Variants in EPB41L2 observed in about 807,000 individuals in gnomAD.
EPB41L2 encodes the protein band 4.1-like protein 2.
EPB41L2 carries 43 observed loss-of-function variants against 113.0 expected under a neutral mutation model. The ratio of observed to expected loss-of-function variants is 0.38; its 90% confidence interval spans 0.30 to 0.49. The LOEUF (loss-of-function observed/expected upper bound fraction) is 0.49. EPB41L2 is among the 20% of genes least tolerant of loss of function. EPB41L2 has a pLI of 0.95. For synonymous variants in EPB41L2, 442 were observed against 436.7 expected, an observed-to-expected ratio of 1.01 and a Z score of -0.15; for missense variants, 1,147 against 1,223.4, an observed-to-expected ratio of 0.94 and a Z score of 0.93.
intron 1 of EPB41L2, among the ~76,000 whole-genome samples, chr6:130,996,583 G>A (rs1046022296): frequency 1.3e-5 from 2 of 152,168 alleles, no homozygotes; most frequent in African/African-American, 2.4e-5. Flanking sequence ...ACTTTCAAAT[G>A]AGTCCATCTA....
At chr6:131,020,281 A>G (rs1439289062) in intron 1 of EPB41L2, among the ~76,000 whole-genome samples, 1 of 152,046 alleles carries the variant, frequency 6.6e-6, no homozygotes, top group Non-Finnish European at 1.5e-5. Flanking sequence ...ACTCCCTCAT[A>G]TTTATGTACA....
At chr6:130,961,231 C>T (rs1773428916) in intron 1 of EPB41L2, among the ~76,000 whole-genome samples, 1 of 152,198 alleles carries the variant, frequency 6.6e-6, no homozygotes, top group Non-Finnish European at 1.5e-5. Context: ...AAAAAGAACA[C>T]TGCTGTGAAC....
At chr6:130,862,888 T>C (rs751034191) in intron 18 of EPB41L2, among the ~76,000 whole-genome samples, 23 of 152,212 alleles carry the variant, frequency 1.5e-4, no homozygotes, top group Non-Finnish European at 3.4e-4. Context: ...AGATAGTCAA[T>C]TGAATATTTC....
chr6:130,900,928 A>G, intron 7 of EPB41L2, 34 bp downstream of exon 7: 1 of 1,600,756 alleles, frequency 6.2e-7, no homozygotes, highest in African/African-American at 1.3e-5. Context: ...TAAATCTCCC[A>G]TGGCCATTCT....
In EPB41L2 at chr6:130,956,142, T is replaced by C. The variant is rs201431851; in HGVS notation, c.344A>G (p.Glu115Gly). The part of the protein sequence containing the change: ...AVVEEQVLDK[E>G]EPLPEEQRQA... ...TCTCTGTTCTTCTGGAAGGGGTTCC[T>C]CTTTATCTAAGACCTGTTCTTCAAC... The change falls in exon 2 of 20, where the codon GAG becomes GGG. Residue 115 changes from glutamate to glycine, a missense_variant. Glu to Gly is a moderately conservative substitution (Grantham distance 98). Transcript: ENST00000337057. 1.2e-5 allele frequency: 19 copies of C among 1,614,072 alleles called. No individual in the cohort carries two copies. Among genetic ancestry groups the C allele is most frequent in the Non-Finnish European group, 1.6e-5 (19 of 1,180,032 alleles).
chr6:130,979,492 C>CAAAAAAA (rs34912861), intron 1 of EPB41L2, among the ~76,000 whole-genome samples: 1 of 85,308 alleles, frequency 1.2e-5, no homozygotes, highest in Non-Finnish European at 2.3e-5. Context: ...GAGACTCTGT[C>CAAAAAAA]AAAAAAAAAA....
intron 1 of EPB41L2, among the ~76,000 whole-genome samples, chr6:131,006,599 G>T (rs1263577723): frequency 6.6e-6 from 1 of 151,054 alleles, no homozygotes; most frequent in Non-Finnish European, 1.5e-5. Context: ...GAACCCAGGA[G>T]GCAGAGGTTG....
chr6:131,061,378 A>G (rs1798628000), intron 1 of EPB41L2, among the ~76,000 whole-genome samples: 1 of 152,238 alleles, frequency 6.6e-6, no homozygotes, highest in African/African-American at 2.4e-5. Flanking sequence ...AAGAATAGAT[A>G]TCTGAAGTTT....
intron 1 of EPB41L2, among the ~76,000 whole-genome samples, chr6:131,004,469 T>C (rs959767828): frequency 1.3e-5 from 2 of 152,216 alleles, no homozygotes; most frequent in Admixed American, 6.5e-5. Flanking sequence ...ATTAATTCCC[T>C]AGGCCTACCA....
At chr6:130,908,293 CA>C (rs1798321620) in intron 5 of EPB41L2, among the ~76,000 whole-genome samples, 1 of 152,144 alleles carries the variant, frequency 6.6e-6, no homozygotes, top group Non-Finnish European at 1.5e-5. Flanking sequence ...AAAGAGTATG[CA>C]AAGTGGCCTT....
At chr6:130,987,512 G>A (rs1022576610) in intron 1 of EPB41L2, among the ~76,000 whole-genome samples, 1 of 152,110 alleles carries the variant, frequency 6.6e-6, no homozygotes, top group Non-Finnish European at 1.5e-5. Context: ...GCCCAACATG[G>A]TGAAACCCTG....
intron 3 of EPB41L2, among the ~76,000 whole-genome samples, chr6:130,947,742 G>A (rs1212458068): frequency 1.3e-5 from 2 of 152,118 alleles, no homozygotes; most frequent in Non-Finnish European, 2.9e-5. Context: ...CCACTCCTGA[G>A]GAGGAAACAA....
chr6:130,872,315 T>C, intron 14 of EPB41L2: 1 of 1,217,262 alleles, frequency 8.2e-7, no homozygotes, highest in Non-Finnish European at 1.1e-6. Flanking sequence ...TTTAAAAAAA[T>C]GAAAATCTCT....
Position 130,839,800 on chromosome 6 carries a change from G to A in EPB41L2, c.*804C>T, listed in dbSNP as rs1206743800. On this transcript the variant is annotated 3_prime_UTR_variant, in exon 20 of 20. Coordinates refer to ENST00000337057, the MANE Select transcript of EPB41L2 (RefSeq NM_001431.4). Reference sequence around the variant, plus strand: ...GCCTGAATCTTTTAGTAGAAGGGAAGAAAGTTTTCTCTTTCTCTTCCCTCC... The same window carrying A: ...GCCTGAATCTTTTAGTAGAAGGGAAAAAAGTTTTCTCTTTCTCTTCCCTCC... The A allele has an allele frequency of 6.6e-6, 1 of 152,242 alleles. No individual in the cohort carries two copies. 9.4% of individuals were successfully genotyped at this position (152,242 alleles called of 1,614,324 possible).
At chr6:130,881,199 CA>C (rs1341312647) in intron 12 of EPB41L2, 6 of 152,124 alleles carry the variant, frequency 3.9e-5, no homozygotes, top group Non-Finnish European at 8.8e-5. Context: ...TTATCAAAGG[CA>C]AATCATTTAA....
At chr6:130,906,237 G>A (rs943043564) in intron 5 of EPB41L2, among the ~76,000 whole-genome samples, 3 of 152,052 alleles carry the variant, frequency 2.0e-5, no homozygotes, top group Non-Finnish European at 4.4e-5. Flanking sequence ...GACAGGACTC[G>A]GAGACATTTC....
chr6:130,858,735 A>T (rs1195230293), intron 18 of EPB41L2, among the ~76,000 whole-genome samples: 1 of 152,266 alleles, frequency 6.6e-6, no homozygotes, highest in Non-Finnish European at 1.5e-5. Flanking sequence ...GCTCATCTTT[A>T]TCTTCTTAGG....
intron 1 of EPB41L2, among the ~76,000 whole-genome samples, chr6:131,023,232 T>C (rs1001535610): frequency 2.0e-5 from 3 of 152,234 alleles, no homozygotes; most frequent in Admixed American, 1.3e-4. Flanking sequence ...TTAAAGACTT[T>C]ATTATTTCAT....
In EPB41L2 at chr6:130,937,978, T is replaced by C. The variant is rs76059017; in HGVS notation, c.706-11269A>G. 8.0e-3 allele frequency among the ~76,000 whole-genome samples: 1,218 copies of C among 152,320 alleles called. 14 individuals carry two copies. The highest frequency in any genetic ancestry group is 0.027 in the African/African-American group (1,140 of 41,574). Reference sequence around the variant, plus strand: ...TACATCTTATCACAAGCCAGACCCATTGAAACTGTTCTTACCTCTATTAGC... The same window carrying C: ...TACATCTTATCACAAGCCAGACCCACTGAAACTGTTCTTACCTCTATTAGC... On this transcript the variant is annotated intron_variant, in intron 3 of 19. Coordinates refer to ENST00000337057, the MANE Select transcript of EPB41L2 (RefSeq NM_001431.4).
Sources: allele counts gnomAD v4.1 joint callset (sites outside exome capture counted in the v4.1 genomes callset), GRCh38; gene constraint gnomAD v4.1.1; transcripts MANE v1.5; gene names NCBI Gene and HGNC (gene_info 2026-07-23, HGNC 2026-07-21).